NRXN1: variants seen among roughly 807,000 people sequenced by gnomAD.
The protein encoded by NRXN1 is neurexin 1, also known as neurexin-1.
In NRXN1, 39 loss-of-function variants were observed where a neutral mutation model predicts 150.9. The ratio of observed to expected loss-of-function variants is 0.26; its 90% CI spans 0.20 to 0.34. NRXN1 has a LOEUF of 0.34. Among genes scored for constraint, NRXN1 ranks in the 10% least tolerant of loss-of-function variants. The pLI, the probability that NRXN1 is intolerant of heterozygous loss-of-function variation, is 1.00. For missense variants in NRXN1, 1,815 were observed against 1,949.9 expected (o/e 0.93, Z 1.30); for synonymous variants, 924 against 757.0 (o/e 1.22, Z -3.62).
chr2:49,950,248 T>C (rs1673682914), intron 21 of NRXN1, among the ~76,000 whole-genome samples: 1 of 151,926 alleles, frequency 6.6e-6, no homozygotes. Context: ...TAATGAACAA[T>C]CCTATTAAGG....
chr2:50,215,107 G>T (rs965139114), intron 18 of NRXN1, among the ~76,000 whole-genome samples: 15 of 151,854 alleles, frequency 9.9e-5, no homozygotes, highest in African/African-American at 3.6e-4. Flanking sequence ...TCTGAGAGTT[G>T]AATTATTTTA....
intron 21 of NRXN1, among the ~76,000 whole-genome samples, chr2:49,947,233 T>C (rs957549876): frequency 1.3e-5 from 2 of 152,118 alleles, no homozygotes; most frequent in African/African-American, 4.8e-5. Flanking sequence ...GTTAAATATA[T>C]TGATGAAATC....
intron 21 of NRXN1, among the ~76,000 whole-genome samples, chr2:50,019,892 G>C (rs537188065): frequency 1.4e-5 from 2 of 139,848 alleles, no homozygotes; most frequent in South Asian, 4.7e-4. Flanking sequence ...AGCTTGCAGT[G>C]AGCCGAGATC....
At chr2:50,826,602 T>C (rs1276829101) in intron 5 of NRXN1, among the ~76,000 whole-genome samples, 2 of 152,146 alleles carry the variant, frequency 1.3e-5, no homozygotes, top group African/African-American at 2.4e-5. Context: ...TGATTATGTA[T>C]GTTTGTGTTT....
At chr2:50,192,351 T>C (rs932311717) in intron 18 of NRXN1, among the ~76,000 whole-genome samples, 1 of 152,188 alleles carries the variant, frequency 6.6e-6, no homozygotes, top group Non-Finnish European at 1.5e-5. Flanking sequence ...TTGCTGTAAT[T>C]ACAATACTTG....
chr2:49,938,808 C>G (rs534917032), intron 22 of NRXN1, among the ~76,000 whole-genome samples: 1 of 152,244 alleles, frequency 6.6e-6, no homozygotes, highest in Non-Finnish European at 1.5e-5. Flanking sequence ...GGGTCTTTAT[C>G]TTCATTTAGG....
At chr2:50,184,653 C>T (rs1399019725) in intron 18 of NRXN1, among the ~76,000 whole-genome samples, 3 of 151,950 alleles carry the variant, frequency 2.0e-5, no homozygotes, top group African/African-American at 7.2e-5. Flanking sequence ...AATTCATGAC[C>T]TTGGAAACTC....
At chr2:50,991,805 C>T (rs1330024797) in intron 2 of NRXN1, among the ~76,000 whole-genome samples, 1 of 151,976 alleles carries the variant, frequency 6.6e-6, no homozygotes, top group Admixed American at 6.6e-5. Context: ...TATTAAAAGG[C>T]AACGATGCAA....
intron 2 of NRXN1, among the ~76,000 whole-genome samples, chr2:51,003,601 G>A (rs1700334207): frequency 6.6e-6 from 1 of 151,958 alleles, no homozygotes; most frequent in Non-Finnish European, 1.5e-5. Flanking sequence ...AAAAAAGGCA[G>A]ACTGGGCAAA....
At chr2:50,268,039 A>T (rs1052059472) in intron 17 of NRXN1, among the ~76,000 whole-genome samples, 8 of 151,992 alleles carry the variant, frequency 5.3e-5, no homozygotes, top group Non-Finnish European at 8.8e-5. Flanking sequence ...AAATACAAAA[A>T]ATCAGCTGGG....
intron 5 of NRXN1, among the ~76,000 whole-genome samples, chr2:50,715,563 TA>T (rs1416384853): frequency 6.6e-6 from 1 of 152,208 alleles, no homozygotes; most frequent in African/African-American, 2.4e-5. Context: ...ATAACTTGTG[TA>T]AGTTTTTGTC....
At chr2:50,960,997 T>C (rs1466153834) in intron 2 of NRXN1, among the ~76,000 whole-genome samples, 1 of 151,952 alleles carries the variant, frequency 6.6e-6, no homozygotes, top group Non-Finnish European at 1.5e-5. Context: ...GGGTGAGTAG[T>C]ATATAAGTTT....
chr2:50,627,171 G>A (rs548191669), intron 5 of NRXN1, among the ~76,000 whole-genome samples: 1 of 151,856 alleles, frequency 6.6e-6, no homozygotes, highest in African/African-American at 2.4e-5. Flanking sequence ...ACTGTAATAA[G>A]TTTCTTTTGG....
At chr2:50,739,174 A>C in intron 5 of NRXN1, 1 of 368,766 alleles carries the variant, frequency 2.7e-6, no homozygotes, top group Non-Finnish European at 5.6e-6. Context: ...AATTCTTACA[A>C]ATCCTTATGA....
At chr2:50,493,523 T>C (rs2091384166) in intron 15 of NRXN1, among the ~76,000 whole-genome samples, 1 of 152,162 alleles carries the variant, frequency 6.6e-6, no homozygotes, top group African/African-American at 2.4e-5. Context: ...TGTTGTCCTC[T>C]TTCCAAAGTC....
intron 5 of NRXN1, among the ~76,000 whole-genome samples, chr2:50,705,620 T>C (rs893859212): frequency 7.9e-5 from 12 of 152,210 alleles, no homozygotes; most frequent in African/African-American, 2.9e-4. Flanking sequence ...ACCTCCCACA[T>C]ACAATGTTTT....
At chr2:50,315,178 T>TC (rs2075497756) in intron 17 of NRXN1, among the ~76,000 whole-genome samples, 1 of 152,016 alleles carries the variant, frequency 6.6e-6, no homozygotes, top group Non-Finnish European at 1.5e-5. Context: ...AGCTTTTTTT[T>TC]CCCCCTGTTT....
At chr2:50,111,464 C>T (rs1167327357) in intron 18 of NRXN1, among the ~76,000 whole-genome samples, 1 of 151,932 alleles carries the variant, frequency 6.6e-6, no homozygotes, top group African/African-American at 2.4e-5. Context: ...CACGGTGAAA[C>T]CCCTTCTCTA....
chr2:50,353,766 T>C (rs1003494264), intron 17 of NRXN1, among the ~76,000 whole-genome samples: 1 of 152,176 alleles, frequency 6.6e-6, no homozygotes, highest in Admixed American at 6.5e-5. Flanking sequence ...CCACTCAGTC[T>C]ATAGTCAAGC....
Sources: gnomAD v4.1 joint callset for allele counts (sites outside exome capture counted in the v4.1 genomes callset) on GRCh38, gnomAD v4.1.1 for gene constraint, MANE v1.5 for transcripts, NCBI Gene and HGNC (gene_info 2026-07-23, HGNC 2026-07-21) for gene names.